SH3KBP1: variants seen among roughly 807,000 people sequenced by gnomAD.
SH3KBP1 encodes SH3 domain containing kinase binding protein 1.
SH3KBP1 carries 8 observed loss-of-function variants against 50.1 expected under a neutral mutation model. The observed-to-expected ratio is 0.16, with a 90% CI of 0.09 to 0.29. The LOEUF (loss-of-function observed/expected upper bound fraction) is 0.29. SH3KBP1 is among the 10% of genes least tolerant of loss of function. SH3KBP1 has a pLI of 1.00. For synonymous variants in SH3KBP1, 227 were observed against 218.6 expected, an observed-to-expected ratio of 1.04 and a Z score of -0.34; for missense variants, 377 against 535.2, an observed-to-expected ratio of 0.70 and a Z score of 2.92.
intron 2 of SH3KBP1, among the ~76,000 whole-genome samples, chrX:19,801,144 G>A (rs1453709083): frequency 8.9e-6 from 1 of 111,899 alleles, no homozygotes; most frequent in Non-Finnish European, 1.9e-5. Context: ...CAATCAGACT[G>A]CAAGAAATAA....
intron 12 of SH3KBP1, chrX:19,588,206 G>C (rs777839253): frequency 8.1e-5 from 42 of 519,816 alleles, no homozygotes; most frequent in Non-Finnish European, 1.1e-4. Context: ...CCTGGGCTAT[G>C]GAAAGAAGCC....
intron 8 of SH3KBP1, among the ~76,000 whole-genome samples, chrX:19,629,068 T>C (rs2061518991): frequency 9.0e-6 from 1 of 111,142 alleles, no homozygotes; most frequent in African/African-American, 3.3e-5. Flanking sequence ...GATCACACGA[T>C]TGCACTCCAG....
chrX:19,537,864 A>C, intron 16 of SH3KBP1, 84 bp from the exon 17 acceptor site: 1 of 725,236 alleles, frequency 1.4e-6, no homozygotes, highest in Non-Finnish European at 2.1e-6. Flanking sequence ...TGACTACAAA[A>C]TCCATCTGAT....
chrX:19,609,970 C>T (rs889457134), intron 8 of SH3KBP1, among the ~76,000 whole-genome samples: 3 of 111,676 alleles, frequency 2.7e-5, no homozygotes, highest in Admixed American at 9.5e-5. Context: ...AGTAATTCAT[C>T]ACCACCTTCC....
intron 12 of SH3KBP1, among the ~76,000 whole-genome samples, chrX:19,574,217 A>G: frequency 9.0e-6 from 1 of 111,637 alleles, no homozygotes; most frequent in Non-Finnish European, 1.9e-5. Context: ...ACACCCCTGT[A>G]TCGCAACCCT....
intron 3 of SH3KBP1, among the ~76,000 whole-genome samples, chrX:19,714,054 G>A (rs141341346): frequency 3.6e-4 from 40 of 112,129 alleles, no homozygotes; most frequent in South Asian, 7.3e-4. Flanking sequence ...GATGGAACTG[G>A]AGATCATTAT....
intron 5 of SH3KBP1, among the ~76,000 whole-genome samples, chrX:19,694,170 T>C (rs905373086): frequency 1.8e-5 from 2 of 112,393 alleles, no homozygotes; most frequent in Non-Finnish European, 3.8e-5. Flanking sequence ...AATGTTATAA[T>C]GACCCAATTT....
intron 1 of SH3KBP1, among the ~76,000 whole-genome samples, chrX:19,864,323 C>A (rs765927402): frequency 5.4e-5 from 6 of 111,140 alleles, no homozygotes; most frequent in African/African-American, 6.6e-5. Flanking sequence ...AACACCCCCC[C>A]ACCCCCTGCA....
At chrX:19,786,983 T>C (rs1603241862) in intron 2 of SH3KBP1, among the ~76,000 whole-genome samples, 1 of 112,265 alleles carries the variant, frequency 8.9e-6, no homozygotes, top group African/African-American at 3.2e-5. Flanking sequence ...ATCTATCTTG[T>C]GAAGAAAATT....
At chrX:19,741,043 G>A (rs1173678687) in intron 3 of SH3KBP1, among the ~76,000 whole-genome samples, 1 of 112,733 alleles carries the variant, frequency 8.9e-6, no homozygotes, top group Middle Eastern at 4.2e-3. Flanking sequence ...CCTTCCATGT[G>A]GCAAACACGA....
At chrX:19,626,165 G>T (rs745488226) in intron 8 of SH3KBP1, among the ~76,000 whole-genome samples, 2 of 111,210 alleles carry the variant, frequency 1.8e-5, no homozygotes, top group African/African-American at 6.6e-5. Context: ...CTATCATTAA[G>T]TTAATTAAAT....
At chrX:19,797,341 G>A (rs1298544348) in intron 2 of SH3KBP1, among the ~76,000 whole-genome samples, 1 of 111,440 alleles carries the variant, frequency 9.0e-6, no homozygotes, top group African/African-American at 3.3e-5. Flanking sequence ...AAAAAAAGGG[G>A]CATTCCCAGC....
chrX:19,655,113 TC>T (rs2148451037), intron 6 of SH3KBP1, among the ~76,000 whole-genome samples: 1 of 112,291 alleles, frequency 8.9e-6, no homozygotes, highest in East Asian at 2.8e-4. Context: ...CTGACATGTA[TC>T]CCACACTTGC....
chrX:19,737,680 C>A (rs1429755038), intron 3 of SH3KBP1, among the ~76,000 whole-genome samples: 2 of 111,663 alleles, frequency 1.8e-5, no homozygotes, highest in Non-Finnish European at 3.8e-5. Flanking sequence ...GATCCAAGTC[C>A]CAGGTAGACC....
chrX:19,634,651 A>C (rs1265593900), intron 7 of SH3KBP1, among the ~76,000 whole-genome samples: 1 of 111,378 alleles, frequency 9.0e-6, no homozygotes, highest in African/African-American at 3.3e-5. Context: ...GGAGGAGGAG[A>C]GGACGGTGGG....
intron 2 of SH3KBP1, among the ~76,000 whole-genome samples, chrX:19,798,901 G>A (rs2061453779): frequency 8.9e-6 from 1 of 112,179 alleles, no homozygotes; most frequent in South Asian, 3.7e-4. Flanking sequence ...GTAGTCCTGC[G>A]AGGTGGTAGG....
chrX:19,707,533 AC>A (rs1423514410), intron 3 of SH3KBP1, among the ~76,000 whole-genome samples: 1 of 111,415 alleles, frequency 9.0e-6, no homozygotes, highest in African/African-American at 3.3e-5. Context: ...ACCATTTCAA[AC>A]ACCCCCACAG....
chrX:19,534,948 T>C lies in SH3KBP1; in HGVS notation c.*1469A>G. 1 of 297,855 alleles carries C rather than the reference T, an allele frequency of 3.4e-6. No homozygotes were observed. Among genetic ancestry groups the C allele is most frequent in the Non-Finnish European group, 5.9e-6 (1 of 170,426 alleles). 24.5% of individuals were successfully genotyped at this position (297,855 alleles called of 1,213,427 possible). Reference sequence around the variant, plus strand: ...ATCACTTCTTCGGTATTATCAACTCTCATTCTTTGTGGCTGTGCAAATCTA... The same window carrying C: ...ATCACTTCTTCGGTATTATCAACTCCCATTCTTTGTGGCTGTGCAAATCTA... On this transcript the variant is annotated 3_prime_UTR_variant, in exon 18 of 18. Coordinates refer to ENST00000397821, the MANE Select transcript of SH3KBP1 (RefSeq NM_031892.3).
chrX:19,735,553 T>G (rs2064525462), intron 3 of SH3KBP1, among the ~76,000 whole-genome samples: 1 of 110,045 alleles, frequency 9.1e-6, no homozygotes, highest in Non-Finnish European at 1.9e-5. Flanking sequence ...CCCTTGTGAA[T>G]TCTTCTTTGG....
Sources: gnomAD v4.1 joint callset for allele counts (sites outside exome capture counted in the v4.1 genomes callset) on GRCh38, gnomAD v4.1.1 for gene constraint, MANE v1.5 for transcripts, NCBI Gene and HGNC (gene_info 2026-07-23, HGNC 2026-07-21) for gene names.